Variants in CLVS1 observed in about 807,000 individuals in gnomAD.
CLVS1 encodes the protein clavesin 1.
Under a neutral mutation model 33.1 loss-of-function variants are expected in CLVS1, and 10 were observed. The ratio of observed to expected loss-of-function variants is 0.30; its 90% CI spans 0.19 to 0.51. The LOEUF (loss-of-function observed/expected upper bound fraction) is 0.51, where lower values mean the gene tolerates loss of function less well. Ranked by LOEUF, CLVS1 falls within the 20% of genes least tolerant of loss-of-function variation. The pLI, the probability that CLVS1 is intolerant of heterozygous loss-of-function variation, is 0.97. For synonymous variants in CLVS1, 163 were observed against 166.1 expected, an observed-to-expected ratio of 0.98 and a Z score of 0.14; for missense variants, 343 against 433.4, an observed-to-expected ratio of 0.79 and a Z score of 1.85.
At chr8:61,274,851 C>A (rs1276073947) in intron 2 of CLVS1, among the ~76,000 whole-genome samples, 3 of 152,096 alleles carry the variant, frequency 2.0e-5, no homozygotes, top group Non-Finnish European at 4.4e-5. Context: ...CAACTCTGTC[C>A]ATTTCTCCAA....
chr8:61,106,739 G>T (rs1805546213), intron 1 of CLVS1, among the ~76,000 whole-genome samples: 1 of 152,118 alleles, frequency 6.6e-6, no homozygotes. Flanking sequence ...ACACAACTAT[G>T]GAAATTTTAC....
At chr8:60,969,215 T>C in the CLVS1 span, among the ~76,000 whole-genome samples, 2 of 152,182 alleles carry the variant, frequency 1.3e-5, no homozygotes, top group Non-Finnish European at 2.9e-5. Context: ...AAGCTGTAGT[T>C]ATGGCTGTGG....
At position 61,494,003 on chromosome 8, in the gene CLVS1, A is replaced by G. The variant is rs562292733; in HGVS notation, c.978-5452A>G. On this transcript the variant is annotated intron_variant, in intron 5 of 5. Transcript: ENST00000325897. ...CAAGAAGGCAATGCAGGGCATTAGT[A>G]AGAAGAAGAAAAGGTGAGTGTTAGC... Among the ~76,000 whole-genome samples, 4 of 152,222 alleles carry G rather than the reference A, an allele frequency of 2.6e-5. No homozygotes were observed. The East Asian group carries it at 7.7e-4, about 29-fold the overall frequency.
intron 2 of CLVS1, among the ~76,000 whole-genome samples, chr8:61,261,452 C>G (rs886254878): frequency 6.6e-6 from 1 of 152,176 alleles, no homozygotes; most frequent in Non-Finnish European, 1.5e-5. Context: ...GCCACCCACT[C>G]TACAAATCCA....
At chr8:60,977,470 C>T in the CLVS1 span, among the ~76,000 whole-genome samples, 2 of 151,934 alleles carry the variant, frequency 1.3e-5, no homozygotes, top group Admixed American at 1.3e-4. Context: ...AATGTATGAA[C>T]AAAATGAGAA....
intron 2 of CLVS1, among the ~76,000 whole-genome samples, chr8:61,274,317 AC>A (rs879898022): frequency 6.6e-6 from 1 of 151,908 alleles, no homozygotes; most frequent in Non-Finnish European, 1.5e-5. Context: ...TATTTCTTTG[AC>A]TTTTTATATT....
chr8:61,284,616 A>T (rs1724543551), upstream of CLVS1, among the ~76,000 whole-genome samples: 4 of 152,152 alleles, frequency 2.6e-5, no homozygotes, highest in South Asian at 8.3e-4. Context: ...CTTTTGCAAG[A>T]TAATAAACAA....
chr8:61,256,645 CA>C (rs768910491), intron 2 of CLVS1, among the ~76,000 whole-genome samples: 1,546 of 79,748 alleles, frequency 0.019, 18 homozygotes, highest in Non-Finnish European at 0.021. Context: ...ATCTCAAAAA[CA>C]AAAAAAAAAA....
At chr8:61,202,759 A>C (rs1369604595) in intron 2 of CLVS1, 18 of 1,573,642 alleles carry the variant, frequency 1.1e-5, no homozygotes, top group Non-Finnish European at 1.5e-5. Context: ...GAAACTCTTA[A>C]GTATATCTGG....
chr8:61,033,570 G>T, the CLVS1 span, among the ~76,000 whole-genome samples: 5 of 152,312 alleles, frequency 3.3e-5, no homozygotes, highest in African/African-American at 1.2e-4. Flanking sequence ...GTGTGGGTGG[G>T]CCCTTTCTCA....
chr8:61,254,485 T>C (rs957864761), intron 2 of CLVS1, among the ~76,000 whole-genome samples: 1 of 152,244 alleles, frequency 6.6e-6, no homozygotes, highest in African/African-American at 2.4e-5. Flanking sequence ...AGGTTTCTGC[T>C]GCCTTTTGTT....
chr8:60,981,628 G>T, the CLVS1 span, among the ~76,000 whole-genome samples: 1 of 152,240 alleles, frequency 6.6e-6, no homozygotes, highest in African/African-American at 2.4e-5. Flanking sequence ...TTCCCTGGTG[G>T]CTAAGATCTG....
At chr8:60,975,049 C>A in the CLVS1 span, among the ~76,000 whole-genome samples, 1 of 152,076 alleles carries the variant, frequency 6.6e-6, no homozygotes, top group East Asian at 1.9e-4. Flanking sequence ...TGCTGAGAAC[C>A]ATGGATCATA....
At chr8:61,374,074 A>G (rs1476381709) in intron 2 of CLVS1, among the ~76,000 whole-genome samples, 1 of 152,192 alleles carries the variant, frequency 6.6e-6, no homozygotes, top group East Asian at 1.9e-4. Flanking sequence ...GCCAGTGGTT[A>G]AAGTTACAAT....
intron 5 of CLVS1, among the ~76,000 whole-genome samples, chr8:61,480,897 A>G (rs906501001): frequency 1.3e-5 from 2 of 152,106 alleles, no homozygotes; most frequent in East Asian, 1.9e-4. Context: ...TGACCTCTCT[A>G]TTCTTGGGTA....
chr8:61,483,010 C>T (rs567122020), intron 5 of CLVS1, among the ~76,000 whole-genome samples: 27 of 152,232 alleles, frequency 1.8e-4, no homozygotes, highest in African/African-American at 5.1e-4. Context: ...AAATTGACAT[C>T]CTAACATCAC....
At chr8:61,232,023 G>GTTTGTTTGTTTGTTTGTTTGTTTGTTTT in intron 2 of CLVS1, among the ~76,000 whole-genome samples, 2 of 62,628 alleles carry the variant, frequency 3.2e-5, no homozygotes, top group Admixed American at 1.7e-4. Flanking sequence ...GAAAGTTGTG[G>GTTTGTTTGTTTGTTTGTTTGTTTGTTTT]TTTTTTTTTT....
At chr8:61,042,599 G>T in the CLVS1 span, among the ~76,000 whole-genome samples, 1 of 152,200 alleles carries the variant, frequency 6.6e-6, no homozygotes, top group African/African-American at 2.4e-5. Flanking sequence ...ATCACATTGG[G>T]GGATTTCATC....
intron 2 of CLVS1, among the ~76,000 whole-genome samples, chr8:61,183,835 A>G (rs1387346806): frequency 6.6e-6 from 1 of 152,232 alleles, no homozygotes; most frequent in East Asian, 1.9e-4. Flanking sequence ...TTCTTGATGC[A>G]TATGACAAGC....
Sources: allele counts gnomAD v4.1 joint callset (sites outside exome capture counted in the v4.1 genomes callset), GRCh38; gene constraint gnomAD v4.1.1; transcripts MANE v1.5; gene names NCBI Gene and HGNC (gene_info 2026-07-23, HGNC 2026-07-21).